ANKDD1A: variants seen among roughly 807,000 people sequenced by gnomAD.
The protein encoded by ANKDD1A is ankyrin repeat and death domain-containing protein 1A.
In ANKDD1A, 59 loss-of-function variants were observed where a neutral mutation model predicts 63.5. That is an observed-to-expected ratio of 0.93 (90% CI 0.75 to 1.15). The LOEUF (loss-of-function observed/expected upper bound fraction) is 1.15. Ranked by LOEUF, ANKDD1A falls within the 50% of genes most tolerant of loss-of-function variation. The probability of loss-of-function intolerance (pLI) is 0.00; values close to 1 mark genes in which losing one functional copy is unlikely to be tolerated. For synonymous variants in ANKDD1A, 266 were observed against 263.9 expected (o/e 1.01, Z -0.08); for missense variants, 632 against 656.4 (o/e 0.96, Z 0.41).
intron 6 of ANKDD1A, among the ~76,000 whole-genome samples, chr15:64,929,638 T>G (rs528568587): frequency 6.6e-6 from 1 of 152,276 alleles, no homozygotes; most frequent in East Asian, 1.9e-4. Context: ...CCTCTGGCCC[T>G]CAAGTCCCAG....
intron 6 of ANKDD1A, 138 bp downstream of exon 6, chr15:64,927,137 T>A: frequency 1.2e-6 from 1 of 857,060 alleles, no homozygotes; most frequent in Non-Finnish European, 1.9e-6. Context: ...AGAGTGTATT[T>A]AGTGTTCATC....
At chr15:64,943,016 A>T (rs1418228454) in intron 10 of ANKDD1A, among the ~76,000 whole-genome samples, 3 of 152,234 alleles carry the variant, frequency 2.0e-5, no homozygotes, top group Non-Finnish European at 4.4e-5. Context: ...TCACAGAGCC[A>T]CTGGGAGCTG....
intron 12 of ANKDD1A, among the ~76,000 whole-genome samples, chr15:64,945,607 CATATATAT>C (rs61390435): frequency 5.0e-4 from 37 of 73,866 alleles, no homozygotes; most frequent in Middle Eastern, 8.5e-3. Flanking sequence ...GCATTTTCAA[CATATATAT>C]ATATATATAT....
chr15:64,939,698 C>G (rs72739217), intron 9 of ANKDD1A, among the ~76,000 whole-genome samples: 1 of 152,280 alleles, frequency 6.6e-6, no homozygotes, highest in South Asian at 2.1e-4. Flanking sequence ...CATGAAAATA[C>G]GCCCAGCTGA....
At position 64,926,958 on chromosome 15, in the gene ANKDD1A, TTCC is replaced by T; in HGVS notation, c.532_534del (p.Leu178del). Reference sequence around the variant, plus strand: ...GCACGGGCAGCTGGATGCTCTGGACTTCCTCGTGGGCTCTGGCTGTGACCACAA... The same window carrying T: ...GCACGGGCAGCTGGATGCTCTGGACTTCGTGGGCTCTGGCTGTGACCACAA... On this transcript the variant is annotated inframe_deletion, in exon 6 of 15. Coordinates refer to ENST00000319580, the MANE Select transcript of ANKDD1A (RefSeq NM_182703.6). The T allele has an allele frequency of 1.2e-6, 2 of 1,614,204 alleles. No homozygotes were observed. Among genetic ancestry groups the T allele is most frequent in the Non-Finnish European group, 1.7e-6 (2 of 1,180,038 alleles).
At chr15:64,950,726 A>AGGGGGGGGGGG in intron 14 of ANKDD1A, 1 of 524,114 alleles carries the variant, frequency 1.9e-6, no homozygotes, top group Non-Finnish European at 2.1e-6. Context: ...AAAAGAAAGG[A>AGGGGGGGGGGG]CCGCCCCCCC....
chr15:64,953,610 C>CT (rs1254763297), intron 14 of ANKDD1A, among the ~76,000 whole-genome samples: 622 of 4,936 alleles, frequency 0.13, 9 homozygotes, highest in African/African-American at 0.19. Flanking sequence ...CTTCTTTCTT[C>CT]TCTCCTTCTT....
At chr15:64,939,633 A>G (rs746260859) in intron 9 of ANKDD1A, among the ~76,000 whole-genome samples, 3 of 152,136 alleles carry the variant, frequency 2.0e-5, no homozygotes, top group Non-Finnish European at 2.9e-5. Flanking sequence ...AAAAGCAAAA[A>G]AAATATAAAG....
intron 1 of ANKDD1A, among the ~76,000 whole-genome samples, chr15:64,913,064 C>G (rs192714825): frequency 6.6e-6 from 1 of 152,300 alleles, no homozygotes; most frequent in African/African-American, 2.4e-5. Context: ...TGATTTCATT[C>G]TAACTTAACC....
intron 14 of ANKDD1A, among the ~76,000 whole-genome samples, chr15:64,953,326 CTTCTTA>C (rs1305694218): frequency 7.5e-6 from 1 of 134,164 alleles, no homozygotes; most frequent in Admixed American, 8.0e-5. Flanking sequence ...TTCTTCTTTC[CTTCTTA>C]TTCTTCCTCT....
chr15:64,952,394 TTCC>T lies in ANKDD1A; in HGVS notation c.1483+2427_1483+2429del, dbSNP rs202029106. ...TTCTTCCTCTTTCCTTCTTTTCTTC[TTCC>T]TCCTTCTTCTTCTTCTCCTTCTTAG... On this transcript the variant is annotated intron_variant, in intron 14 of 14. Coordinates refer to ENST00000319580, the MANE Select transcript of ANKDD1A (RefSeq NM_182703.6). 7.8e-5 allele frequency among the ~76,000 whole-genome samples: 8 copies of T among 102,972 alleles called. No individual in the cohort carries two copies. In the East Asian group the frequency reaches 1.4e-3, roughly 19 times the overall value. The allele number at this position is 102,972 out of a possible 152,430, so 67.6% of individuals were successfully genotyped here. A position where few individuals can be genotyped will look rare whatever the true frequency, so the allele number is the denominator to read the frequency against.
intron 12 of ANKDD1A, among the ~76,000 whole-genome samples, chr15:64,945,080 T>C (rs1209922498): frequency 1.3e-5 from 2 of 152,198 alleles, no homozygotes; most frequent in Non-Finnish European, 2.9e-5. Flanking sequence ...TTATGCCATC[T>C]CCAGGTGATT....
At chr15:64,929,542 C>A (rs1031557388) in intron 6 of ANKDD1A, among the ~76,000 whole-genome samples, 4 of 152,072 alleles carry the variant, frequency 2.6e-5, no homozygotes, top group Non-Finnish European at 5.9e-5. Flanking sequence ...AAGTACGTTG[C>A]GCCCTCTGCC....
chr15:64,916,950 C>T (rs1222435052), intron 2 of ANKDD1A, among the ~76,000 whole-genome samples: 1 of 152,190 alleles, frequency 6.6e-6, no homozygotes, highest in African/African-American at 2.4e-5. Flanking sequence ...GGGGACAGAA[C>T]CCAGGCACTC....
At chr15:64,935,220 T>C (rs1178387899) in intron 9 of ANKDD1A, among the ~76,000 whole-genome samples, 4 of 94,324 alleles carry the variant, frequency 4.2e-5, no homozygotes, top group South Asian at 4.9e-4. Context: ...AGTGAGACTC[T>C]GTCTCAAAAA....
chr15:64,955,549 T>C (rs1418108781), intron 14 of ANKDD1A, among the ~76,000 whole-genome samples: 1 of 152,190 alleles, frequency 6.6e-6, no homozygotes, highest in Admixed American at 6.5e-5. Flanking sequence ...GAATTGTGGC[T>C]CTGGAAGCTT....
At chr15:64,934,282 C>T (rs1466617037) in intron 9 of ANKDD1A, 48 bp downstream of exon 9, 1 of 1,538,686 alleles carries the variant, frequency 6.5e-7, no homozygotes, top group Non-Finnish European at 8.9e-7. Context: ...CAAAGCCTTC[C>T]ATGAGCACAC....
rs1230205025 is a variant in ANKDD1A, at chr15:64,953,152, CCTTTCTT to C, written c.1483+3186_1483+3192del. 2.3e-4 allele frequency among the ~76,000 whole-genome samples: 33 copies of C among 142,158 alleles called. No individual in the cohort carries two copies. In the South Asian group the frequency reaches 6.3e-3, roughly 27 times the overall value. 93.3% of individuals were successfully genotyped at this position (142,158 alleles called of 152,430 possible). A position where few individuals can be genotyped will look rare whatever the true frequency, so the allele number is the denominator to read the frequency against. On this transcript the variant is annotated intron_variant, in intron 14 of 14. Coordinates refer to ENST00000319580, the MANE Select transcript of ANKDD1A (RefSeq NM_182703.6). ...TTCTTCCTTTTTTCTTCCTTTTTCT[CCTTTCTT>C]CTTTCCTTCTTTTCTTCTTTTTCTT...
intron 2 of ANKDD1A, 70 bp from the exon 3 acceptor site, chr15:64,917,316 A>C: frequency 6.7e-7 from 1 of 1,496,982 alleles, no homozygotes. Context: ...GTCCTGGGGG[A>C]GGGTGTGGGA....
Sources: allele counts gnomAD v4.1 joint callset (sites outside exome capture counted in the v4.1 genomes callset), GRCh38; gene constraint gnomAD v4.1.1; transcripts MANE v1.5; gene names NCBI Gene and HGNC (gene_info 2026-07-23, HGNC 2026-07-21).